The following KLC1 variants were observed in gnomAD, a reference collection of about 807,000 sequenced individuals.
KLC1 encodes the protein kinesin 2 60/70kDa.
In KLC1, 30 loss-of-function variants were observed where a neutral mutation model predicts 84.2. The ratio of observed to expected loss-of-function variants is 0.36; its 90% CI spans 0.27 to 0.48. The LOEUF is 0.48. Among genes scored for constraint, KLC1 ranks in the 20% least tolerant of loss-of-function variants. KLC1 has a pLI of 0.99. For missense variants in KLC1, 499 were observed against 805.4 expected (o/e 0.62, Z 4.60); for synonymous variants, 289 against 293.3 (o/e 0.99, Z 0.15).
At chr14:103,641,656 G>A (rs1381054112) in intron 1 of KLC1, among the ~76,000 whole-genome samples, 1 of 152,022 alleles carries the variant, frequency 6.6e-6, no homozygotes, top group Non-Finnish European at 1.5e-5. Context: ...GAGTGCAGTG[G>A]CACAATCTTG....
At chr14:103,641,670 C>T (rs768792554) in intron 1 of KLC1, among the ~76,000 whole-genome samples, 13 of 151,996 alleles carry the variant, frequency 8.6e-5, no homozygotes, top group Non-Finnish European at 1.8e-4. Context: ...AATCTTGGCT[C>T]ACTGCAGCCT....
intron 2 of KLC1, among the ~76,000 whole-genome samples, chr14:103,657,313 A>T (rs1261709873): frequency 3.9e-5 from 6 of 151,976 alleles, no homozygotes; most frequent in Non-Finnish European, 7.3e-5. Context: ...CTTCAAAAAA[A>T]TAAGTATTTT....
intron 15 of KLC1, chr14:103,696,741 G>T: frequency 1.0e-6 from 1 of 985,486 alleles, no homozygotes; most frequent in South Asian, 4.7e-5. Context: ...AACTTAAGCG[G>T]TTTTAGTGTT....
intron 1 of KLC1, among the ~76,000 whole-genome samples, chr14:103,633,582 G>A (rs778714240): frequency 2.6e-5 from 4 of 152,114 alleles, no homozygotes; most frequent in Non-Finnish European, 4.4e-5. Context: ...CTGGATTGGG[G>A]TAAATGAGGA....
intron 1 of KLC1, among the ~76,000 whole-genome samples, chr14:103,649,714 G>A (rs77682047): frequency 2.1e-5 from 3 of 140,286 alleles, no homozygotes; most frequent in Non-Finnish European, 4.5e-5. Flanking sequence ...TTTTTTTTTC[G>A]AGACGGAGTC....
chr14:103,679,239 C>T (rs1567033788), intron 12 of KLC1, 145 bp from the exon 13 acceptor site: 3 of 1,102,568 alleles, frequency 2.7e-6, no homozygotes, highest in Non-Finnish European at 3.9e-6. Context: ...CCCTCACCCC[C>T]TCCAAGGAAC....
chr14:103,681,822 A>G (rs2081363613), intron 13 of KLC1, among the ~76,000 whole-genome samples: 1 of 152,202 alleles, frequency 6.6e-6, no homozygotes, highest in South Asian at 2.1e-4. Flanking sequence ...TTGAGGGATA[A>G]TTAGAGACAG....
chr14:103,635,657 G>C (rs2076991244), intron 1 of KLC1, among the ~76,000 whole-genome samples: 1 of 152,032 alleles, frequency 6.6e-6, no homozygotes, highest in Non-Finnish European at 1.5e-5. Context: ...GGGAAGCTGA[G>C]GTAGGAGAAT....
intron 14 of KLC1, among the ~76,000 whole-genome samples, chr14:103,689,438 C>T (rs765231222): frequency 4.6e-5 from 7 of 152,178 alleles, no homozygotes; most frequent in Admixed American, 6.5e-5. Flanking sequence ...CACACTTGCA[C>T]GGACTAACGT....
chr14:103,633,053 G>A (rs2076801702), intron 1 of KLC1, among the ~76,000 whole-genome samples: 2 of 151,860 alleles, frequency 1.3e-5, no homozygotes, highest in African/African-American at 4.8e-5. Flanking sequence ...ACAAAGGAGG[G>A]TTGGAAGATT....
intron 1 of KLC1, among the ~76,000 whole-genome samples, chr14:103,644,238 A>G (rs971065719): frequency 8.2e-5 from 12 of 145,838 alleles, no homozygotes; most frequent in African/African-American, 2.3e-4. Context: ...AAAAAAGCCT[A>G]AAGTTATTCT....
At chr14:103,698,795 G>C (rs772562364) in intron 15 of KLC1, 1 of 1,591,180 alleles carries the variant, frequency 6.3e-7, no homozygotes, top group South Asian at 1.1e-5. Flanking sequence ...AGCCGCCACC[G>C]TGTCAGTGGG....
At chr14:103,678,419 G>A (rs2081094645) in intron 12 of KLC1, among the ~76,000 whole-genome samples, 1 of 152,130 alleles carries the variant, frequency 6.6e-6, no homozygotes, top group Non-Finnish European at 1.5e-5. Flanking sequence ...GTGTGGTGCT[G>A]AGCACCTGCA....
chr14:103,637,668 T>C (rs574876489), intron 1 of KLC1, among the ~76,000 whole-genome samples: 2 of 152,326 alleles, frequency 1.3e-5, no homozygotes, highest in South Asian at 4.1e-4. Flanking sequence ...GCATTTGTTT[T>C]GTCTGGTTGT....
At chr14:103,692,514 C>T in intron 15 of KLC1, 89 bp downstream of exon 15, 1 of 1,124,332 alleles carries the variant, frequency 8.9e-7, no homozygotes, top group Non-Finnish European at 1.3e-6. Flanking sequence ...CTGCTCGGCC[C>T]CTGCTCCTGC....
chr14:103,646,428 G>A (rs1446549858), intron 1 of KLC1, among the ~76,000 whole-genome samples: 1 of 152,100 alleles, frequency 6.6e-6, no homozygotes, highest in Non-Finnish European at 1.5e-5. Flanking sequence ...AGCCTCTCAA[G>A]TAGTTGGGAG....
At chr14:103,648,185 G>A (rs886806180) in intron 1 of KLC1, among the ~76,000 whole-genome samples, 2 of 152,070 alleles carry the variant, frequency 1.3e-5, no homozygotes, top group Non-Finnish European at 1.5e-5. Flanking sequence ...TCTTGACCTC[G>A]TGATTTGCCT....
At chr14:103,635,104 A>G (rs998716628) in intron 1 of KLC1, among the ~76,000 whole-genome samples, 10 of 152,358 alleles carry the variant, frequency 6.6e-5, no homozygotes, top group African/African-American at 2.2e-4. Flanking sequence ...GAAAAGTGCT[A>G]TCTGAACTTA....
chr14:103,659,502 A>G (rs2079111691), intron 3 of KLC1, among the ~76,000 whole-genome samples: 1 of 152,194 alleles, frequency 6.6e-6, no homozygotes, highest in Admixed American at 6.5e-5. Flanking sequence ...CTTTACTGTT[A>G]ACTGAAACAC....
Sources: gnomAD v4.1 joint callset for allele counts (sites outside exome capture counted in the v4.1 genomes callset) on GRCh38, gnomAD v4.1.1 for gene constraint, MANE v1.5 for transcripts, NCBI Gene and HGNC (gene_info 2026-07-23, HGNC 2026-07-21) for gene names.